Variants in IQCM observed in about 807,000 individuals in gnomAD.
IQCM encodes the protein IQ motif containing M, also known as IQ domain-containing protein M.
A neutral mutation model predicts 57.6 loss-of-function variants in IQCM; 45 were observed. The observed-to-expected ratio is 0.78, with a 90% CI of 0.62 to 1.00. IQCM has a LOEUF of 1.00. IQCM is among the 50% of genes least tolerant of loss of function. IQCM has a pLI of 0.00. For synonymous variants in IQCM, 148 were observed against 158.9 expected, an observed-to-expected ratio of 0.93 and a Z score of 0.51; for missense variants, 468 against 511.6, an observed-to-expected ratio of 0.91 and a Z score of 0.82.
At chr4:149,662,698 A>AT (rs975110259) in intron 7 of IQCM, among the ~76,000 whole-genome samples, 1 of 151,686 alleles carries the variant, frequency 6.6e-6, no homozygotes, top group Non-Finnish European at 1.5e-5. Flanking sequence ...ATTAAAGCCT[A>AT]TTTTTTTACA....
intron 2 of IQCM, among the ~76,000 whole-genome samples, chr4:149,770,847 C>T (rs376526573): frequency 6.6e-6 from 1 of 151,970 alleles, no homozygotes; most frequent in African/African-American, 2.4e-5. Context: ...TAAGACTGAA[C>T]AATTTTCCCC....
chr4:149,775,439 T>A (rs1157526546), intron 2 of IQCM, among the ~76,000 whole-genome samples: 2 of 151,994 alleles, frequency 1.3e-5, no homozygotes, highest in Non-Finnish European at 2.9e-5. Flanking sequence ...AAAATAAAAA[T>A]AAAAACAGAG....
intron 1 of IQCM, 76 bp from the exon 2 acceptor site, chr4:149,815,424 T>C (rs945263190): frequency 6.6e-6 from 1 of 151,954 alleles, no homozygotes; most frequent in African/African-American, 2.4e-5. Flanking sequence ...CCATATATCT[T>C]ATCATCTAAG....
intron 13 of IQCM, among the ~76,000 whole-genome samples, chr4:149,423,929 T>C (rs114004845): frequency 0.017 from 2,629 of 152,048 alleles, 78 homozygotes; most frequent in African/African-American, 0.061. Context: ...ATTACAGCCA[T>C]ATGTTATGGC....
intron 7 of IQCM, among the ~76,000 whole-genome samples, chr4:149,674,923 C>T (rs1195467685): frequency 3.3e-5 from 5 of 152,024 alleles, no homozygotes; most frequent in Admixed American, 3.3e-4. Context: ...GAGCCTCAGG[C>T]TCCCAGTAGG....
chr4:149,803,287 A>G (rs980839230), intron 2 of IQCM, among the ~76,000 whole-genome samples: 2 of 152,012 alleles, frequency 1.3e-5, no homozygotes, highest in Non-Finnish European at 2.9e-5. Flanking sequence ...CCCATGTAAT[A>G]TATTATATAA....
intron 13 of IQCM, among the ~76,000 whole-genome samples, chr4:149,379,302 C>T (rs2111023416): frequency 6.6e-6 from 1 of 152,260 alleles, no homozygotes; most frequent in Non-Finnish European, 1.5e-5. Flanking sequence ...TTCTCCAGAT[C>T]CCTGAATGGT....
At chr4:149,799,142 C>A (rs1343242665) in intron 2 of IQCM, among the ~76,000 whole-genome samples, 2 of 151,308 alleles carry the variant, frequency 1.3e-5, no homozygotes, top group Admixed American at 6.6e-5. Flanking sequence ...TAATATCAAG[C>A]ATCTTCTCTA....
intron 2 of IQCM, among the ~76,000 whole-genome samples, chr4:149,795,880 C>T (rs1773065873): frequency 6.6e-6 from 1 of 152,180 alleles, no homozygotes; most frequent in Non-Finnish European, 1.5e-5. Context: ...GCATTTATCA[C>T]CTGCTAACTG....
At chr4:149,440,697 G>A (rs1486287555) in intron 12 of IQCM, among the ~76,000 whole-genome samples, 4 of 152,056 alleles carry the variant, frequency 2.6e-5, no homozygotes, top group Non-Finnish European at 5.9e-5. Flanking sequence ...TCAAACAAGT[G>A]AGAATTTTTC....
chr4:149,764,583 C>T (rs1486590038), intron 2 of IQCM, among the ~76,000 whole-genome samples: 1 of 152,104 alleles, frequency 6.6e-6, no homozygotes, highest in East Asian at 1.9e-4. Context: ...TTGTATGACT[C>T]CCCTGCATAT....
intron 5 of IQCM, among the ~76,000 whole-genome samples, chr4:149,727,171 T>G (rs1766026426): frequency 6.6e-6 from 1 of 152,224 alleles, no homozygotes; most frequent in African/African-American, 2.4e-5. Flanking sequence ...ATCTATAAAT[T>G]AATGACTCCA....
intron 2 of IQCM, among the ~76,000 whole-genome samples, chr4:149,809,152 AC>A (rs1217396717): frequency 6.6e-6 from 1 of 151,408 alleles, no homozygotes; most frequent in Non-Finnish European, 1.5e-5. Flanking sequence ...AAACCCAGCT[AC>A]CCGGGAGGCT....
intron 2 of IQCM, among the ~76,000 whole-genome samples, chr4:149,810,921 T>C (rs1267879398): frequency 6.6e-6 from 1 of 152,138 alleles, no homozygotes; most frequent in Non-Finnish European, 1.5e-5. Context: ...CTATGTAACA[T>C]ATCTGCCAAT....
At chr4:149,764,737 C>A (rs1437070731) in intron 2 of IQCM, among the ~76,000 whole-genome samples, 1 of 152,108 alleles carries the variant, frequency 6.6e-6, no homozygotes, top group Non-Finnish European at 1.5e-5. Flanking sequence ...GTACTAGAGA[C>A]CTCATAGCTG....
At chr4:149,556,047 G>T (rs1749550695) in intron 10 of IQCM, among the ~76,000 whole-genome samples, 1 of 152,128 alleles carries the variant, frequency 6.6e-6, no homozygotes, top group Non-Finnish European at 1.5e-5. Context: ...ATATGCTTCA[G>T]CTATTGTGCT....
intron 12 of IQCM, among the ~76,000 whole-genome samples, chr4:149,521,604 C>T (rs143784086): frequency 6.6e-6 from 1 of 152,298 alleles, no homozygotes; most frequent in East Asian, 1.9e-4. Context: ...ACCCTTTAGA[C>T]AATAATTTGA....
intron 12 of IQCM, among the ~76,000 whole-genome samples, chr4:149,512,980 G>C (rs1560935102): frequency 6.6e-6 from 1 of 152,092 alleles, no homozygotes; most frequent in Non-Finnish European, 1.5e-5. Flanking sequence ...AAATAACCAA[G>C]CTGTGTCCTA....
At chr4:149,571,922 C>G (rs1024565382) in intron 9 of IQCM, among the ~76,000 whole-genome samples, 2 of 152,014 alleles carry the variant, frequency 1.3e-5, no homozygotes, top group Admixed American at 1.3e-4. Flanking sequence ...TATATAATAT[C>G]TTACAATCAA....
Sources: allele counts gnomAD v4.1 joint callset (sites outside exome capture counted in the v4.1 genomes callset), GRCh38; gene constraint gnomAD v4.1.1; transcripts MANE v1.5; gene names NCBI Gene and HGNC (gene_info 2026-07-23, HGNC 2026-07-21).